The following ARHGEF3 variants were observed in gnomAD, a reference collection of about 807,000 sequenced individuals.
ARHGEF3 encodes 59.8 kDA protein.
Under a neutral mutation model 63.2 loss-of-function variants are expected in ARHGEF3, and 28 were observed. The observed-to-expected ratio is 0.44, with a 90% CI of 0.33 to 0.61. ARHGEF3 has a LOEUF of 0.61. ARHGEF3 is among the 20% of genes least tolerant of loss of function. The pLI, the probability that ARHGEF3 is intolerant of heterozygous loss-of-function variation, is 0.03. For synonymous variants in ARHGEF3, 266 were observed against 254.2 expected (o/e 1.05, Z -0.44); for missense variants, 533 against 659.3 (o/e 0.81, Z 2.10).
chr3:56,967,062 C>T (rs1040722068), intron 2 of ARHGEF3, among the ~76,000 whole-genome samples: 22 of 148,906 alleles, frequency 1.5e-4, no homozygotes, highest in African/African-American at 5.4e-4. Flanking sequence ...AGGATTTCTC[C>T]ATGTTGGTCA....
intron 1 of ARHGEF3, among the ~76,000 whole-genome samples, chr3:57,042,075 A>C (rs191392889): frequency 5.1e-4 from 77 of 152,326 alleles, no homozygotes; most frequent in African/African-American, 1.7e-3. Context: ...CACCTGGGCC[A>C]GCTTAGCATT....
chr3:56,960,869 C>G (rs984963494), intron 2 of ARHGEF3: 3 of 152,184 alleles, frequency 2.0e-5, no homozygotes, highest in African/African-American at 7.2e-5. Context: ...TGGATTTCAA[C>G]AATACTTCTC....
rs187989534 is a variant in ARHGEF3 at position 56,920,081 on chromosome 3, T to A, written c.130-37727A>T. On this transcript the variant is annotated intron_variant, in intron 3 of 12. Transcript: ENST00000338458. ...ATTTTAAAGCCCTTCTTCATACTCA[T>A]CCAACATAAATTCTACATAGATTGG... is the stretch of plus-strand genomic sequence containing the variant. Among the ~76,000 whole-genome samples the A allele has an allele frequency of 2.0e-5, 3 of 152,214 alleles. No individual in the cohort carries two copies. In the East Asian group the frequency reaches 5.8e-4, roughly 29 times the overall value.
intron 3 of ARHGEF3, among the ~76,000 whole-genome samples, chr3:56,885,285 T>C (rs2040884487): frequency 6.6e-6 from 1 of 152,164 alleles, no homozygotes; most frequent in Non-Finnish European, 1.5e-5. Context: ...GACTCTGGGA[T>C]GTTATCTGTA....
At chr3:56,889,488 T>G (rs767643809) in intron 3 of ARHGEF3, among the ~76,000 whole-genome samples, 12 of 152,208 alleles carry the variant, frequency 7.9e-5, no homozygotes, top group South Asian at 2.1e-4. Context: ...TGCTCTCAGT[T>G]TAATGGATTG....
At chr3:57,007,319 G>A in intron 2 of ARHGEF3, 1 of 1,289,716 alleles carries the variant, frequency 7.8e-7, no homozygotes, top group Non-Finnish European at 1.0e-6. Flanking sequence ...GCTGGTTCCA[G>A]AAACACCTCC....
intron 1 of ARHGEF3, among the ~76,000 whole-genome samples, chr3:56,791,174 G>A (rs1425977845): frequency 6.6e-6 from 1 of 152,006 alleles, no homozygotes; most frequent in Non-Finnish European, 1.5e-5. Context: ...AGGCCGAGGT[G>A]GGAGGATTAC....
At chr3:57,035,701 G>C (rs1703924308) in intron 1 of ARHGEF3, among the ~76,000 whole-genome samples, 1 of 152,192 alleles carries the variant, frequency 6.6e-6, no homozygotes, top group South Asian at 2.1e-4. Flanking sequence ...AAATATCTGG[G>C]TTCCCAGTGG....
chr3:57,061,454 C>T (rs1705219416), intron 1 of ARHGEF3, among the ~76,000 whole-genome samples: 1 of 152,210 alleles, frequency 6.6e-6, no homozygotes, highest in Non-Finnish European at 1.5e-5. Flanking sequence ...TGAGCCATCT[C>T]ACTCAACCAG....
At chr3:57,038,973 C>G (rs1319114301) in intron 1 of ARHGEF3, among the ~76,000 whole-genome samples, 1 of 152,200 alleles carries the variant, frequency 6.6e-6, no homozygotes, top group Non-Finnish European at 1.5e-5. Context: ...GGCTTTTTCC[C>G]CACCACATAA....
At chr3:56,737,125 A>G in intron 8 of ARHGEF3, 60 bp downstream of exon 8, 2 of 1,473,452 alleles carry the variant, frequency 1.4e-6, no homozygotes, top group African/African-American at 1.4e-5. Flanking sequence ...GAGGCTCCAC[A>G]CCAAATGAAT....
At chr3:56,884,277 CAT>C (rs61649878) in intron 3 of ARHGEF3, among the ~76,000 whole-genome samples, 3,994 of 152,202 alleles carry the variant, frequency 0.026, 180 homozygotes, top group African/African-American at 0.09. Context: ...GTGCTCAAAA[CAT>C]GGGTTGGAGG....
intron 4 of ARHGEF3, among the ~76,000 whole-genome samples, chr3:56,849,384 GA>G (rs2039595697): frequency 6.6e-6 from 1 of 152,162 alleles, no homozygotes; most frequent in South Asian, 2.1e-4. Flanking sequence ...ACAGCTTAGT[GA>G]TAGTCTCTGG....
intron 2 of ARHGEF3, among the ~76,000 whole-genome samples, chr3:57,026,796 T>C (rs1703494673): frequency 6.6e-6 from 1 of 152,198 alleles, no homozygotes. Context: ...TTTAAACACT[T>C]CTCGATTGTG....
chr3:57,051,779 CA>C (rs1359281416), intron 1 of ARHGEF3, among the ~76,000 whole-genome samples: 5 of 151,910 alleles, frequency 3.3e-5, no homozygotes, highest in Non-Finnish European at 7.4e-5. Context: ...GCCTGGCCAA[CA>C]TGGTGAAACC....
intron 1 of ARHGEF3, among the ~76,000 whole-genome samples, chr3:56,796,355 A>G (rs893257918): frequency 6.6e-6 from 1 of 152,222 alleles, no homozygotes; most frequent in Admixed American, 6.5e-5. Context: ...CCTTCCAGTG[A>G]TTGGTTTACA....
At chr3:57,067,693 G>T (rs1348451412) in intron 1 of ARHGEF3, among the ~76,000 whole-genome samples, 2 of 150,058 alleles carry the variant, frequency 1.3e-5, no homozygotes, top group African/African-American at 4.9e-5. Flanking sequence ...AAAATTAGCC[G>T]GCGTGAGACC....
chr3:56,781,857 A>G (rs2036582667), intron 1 of ARHGEF3, among the ~76,000 whole-genome samples: 1 of 152,134 alleles, frequency 6.6e-6, no homozygotes, highest in Non-Finnish European at 1.5e-5. Context: ...CTGAATAGGG[A>G]GAATCAGAAG....
chr3:56,969,457 A>C (rs991218242), intron 2 of ARHGEF3, among the ~76,000 whole-genome samples: 7 of 152,286 alleles, frequency 4.6e-5, no homozygotes, highest in Non-Finnish European at 8.8e-5. Context: ...CATGGCTGGT[A>C]TTATAATAAC....
Sources: gnomAD v4.1 joint callset for allele counts (sites outside exome capture counted in the v4.1 genomes callset) on GRCh38, gnomAD v4.1.1 for gene constraint, MANE v1.5 for transcripts, NCBI Gene and HGNC (gene_info 2026-07-23, HGNC 2026-07-21) for gene names.